RUFY1: variants seen among roughly 807,000 people sequenced by gnomAD.
The protein encoded by RUFY1 is RUN and FYVE domain-containing protein 1.
In RUFY1, 54 loss-of-function variants were observed where a neutral mutation model predicts 94.6. The ratio of observed to expected loss-of-function variants is 0.57; its 90% CI spans 0.46 to 0.72. The LOEUF (loss-of-function observed/expected upper bound fraction) is 0.72, where lower values mean the gene tolerates loss of function less well. RUFY1 is among the 30% of genes least tolerant of loss of function. The pLI is 0.00. For synonymous variants in RUFY1, 396 were observed against 347.3 expected (o/e 1.14, Z -1.56); for missense variants, 883 against 883.9 (o/e 1.00, Z 0.01).
intron 5 of RUFY1, among the ~76,000 whole-genome samples, chr5:179,571,436 C>T (rs1205984057): frequency 6.6e-6 from 1 of 151,400 alleles, no homozygotes; most frequent in African/African-American, 2.4e-5. Context: ...GAGATCAAGG[C>T]TGCAGTGAGC....
At chr5:179,583,551 G>A (rs1764343044) in intron 7 of RUFY1, among the ~76,000 whole-genome samples, 1 of 146,184 alleles carries the variant, frequency 6.8e-6, no homozygotes, top group Admixed American at 6.9e-5. Context: ...CGAGTAGCTG[G>A]AACTACAGGC....
Position 179,562,586 on chromosome 5 carries a change from G to A in RUFY1, c.524G>A (p.Gly175Asp). ...ATTGGCCAAAATAAATCATTCTTTGGTCCTTTGGAGCTGGTGGAGAAACTT... is the reference window on the plus strand; with the variant it reads ...ATTGGCCAAAATAAATCATTCTTTGATCCTTTGGAGCTGGTGGAGAAACTT... ...SFIGQNKSFFGPLELVEKLCP... is the reference protein window; with the variant it reads ...SFIGQNKSFFDPLELVEKLCP... The change falls in exon 3 of 18, where the codon GGT becomes GAT. Residue 175 changes from glycine to aspartate, a missense_variant. Gly to Asp is a moderately conservative substitution (Grantham distance 94). Coordinates refer to ENST00000319449, the MANE Select transcript of RUFY1 (RefSeq NM_025158.5). The A allele has an allele frequency of 6.2e-7, 1 of 1,611,104 alleles. No homozygotes were observed. The highest frequency in any genetic ancestry group is 8.5e-7 in the Non-Finnish European group (1 of 1,177,388).
At chr5:179,567,615 T>G in intron 4 of RUFY1, 53 bp downstream of exon 4, 1 of 1,327,822 alleles carries the variant, frequency 7.5e-7, no homozygotes, top group Non-Finnish European at 1.1e-6. Context: ...AATTAGAACA[T>G]AGGCTGGGTG....
chr5:179,559,842 G>A, intron 1 of RUFY1, 183 bp from the exon 2 acceptor site: 1 of 1,377,124 alleles, frequency 7.3e-7, no homozygotes, highest in Non-Finnish European at 9.4e-7. Context: ...CCAGGTAGGG[G>A]GCTGTGGCCT....
intron 17 of RUFY1, chr5:179,608,221 G>A (rs930738772): frequency 1.9e-5 from 17 of 905,214 alleles, no homozygotes; most frequent in Non-Finnish European, 2.1e-5. Flanking sequence ...GGGAGCTAAA[G>A]GAAACACTGC....
At chr5:179,607,377 G>A (rs572036384) in intron 16 of RUFY1, 51 of 582,180 alleles carry the variant, frequency 8.8e-5, no homozygotes, top group African/African-American at 4.5e-4. Context: ...GGTGGAGCAC[G>A]GAGCTAGGAT....
chr5:179,565,174 T>C (rs180865816), intron 3 of RUFY1, among the ~76,000 whole-genome samples: 1,662 of 133,532 alleles, frequency 0.012, 51 homozygotes, highest in African/African-American at 0.045. Context: ...CTTTTTTTTT[T>C]TTTTTTTTTT....
chr5:179,585,912 G>A, intron 8 of RUFY1, 47 bp downstream of exon 8: 32 of 1,443,558 alleles, frequency 2.2e-5, no homozygotes, highest in Non-Finnish European at 3.1e-5. Flanking sequence ...AATGACCCAA[G>A]GTTAAGAGAA....
chr5:179,595,520 G>A (rs1056768927), intron 12 of RUFY1, among the ~76,000 whole-genome samples: 5 of 151,698 alleles, frequency 3.3e-5, no homozygotes, highest in South Asian at 2.1e-4. Flanking sequence ...GGGCAGCTAC[G>A]GTTTCTTTTT....
chr5:179,604,150 C>T (rs976039501), intron 15 of RUFY1, among the ~76,000 whole-genome samples: 35 of 152,298 alleles, frequency 2.3e-4, no homozygotes, highest in African/African-American at 8.4e-4. Context: ...GCTGCCTGGC[C>T]ACCATTCCCT....
chr5:179,596,712 G>A, intron 13 of RUFY1, 31 bp downstream of exon 13: 2 of 1,545,576 alleles, frequency 1.3e-6, no homozygotes, highest in Admixed American at 2.0e-5. Flanking sequence ...CTGGGCTGGG[G>A]TGTGGCTCAG....
At chr5:179,598,042 T>C (rs988451817) in intron 13 of RUFY1, among the ~76,000 whole-genome samples, 3 of 151,952 alleles carry the variant, frequency 2.0e-5, no homozygotes, top group African/African-American at 7.3e-5. Flanking sequence ...TACAAAAAAT[T>C]AGCTGGGCGT....
At chr5:179,570,593 A>G (rs1763152985) in intron 5 of RUFY1, among the ~76,000 whole-genome samples, 2 of 152,176 alleles carry the variant, frequency 1.3e-5, no homozygotes, top group South Asian at 4.1e-4. Flanking sequence ...ACCCTAACCC[A>G]TTCCTCACTT....
At chr5:179,578,214 T>G (rs1481040692) in intron 6 of RUFY1, among the ~76,000 whole-genome samples, 3 of 152,106 alleles carry the variant, frequency 2.0e-5, no homozygotes, top group Non-Finnish European at 4.4e-5. Context: ...TGTTTGTTTG[T>G]TTTGTTTTGT....
At chr5:179,583,342 G>A (rs1022408171) in intron 7 of RUFY1, among the ~76,000 whole-genome samples, 15 of 151,322 alleles carry the variant, frequency 9.9e-5, no homozygotes, top group Admixed American at 6.6e-4. Flanking sequence ...GAGGCAATAC[G>A]TTGCTAGCTT....
intron 8 of RUFY1, among the ~76,000 whole-genome samples, chr5:179,589,078 TAC>T (rs1764834122): frequency 6.6e-6 from 1 of 152,158 alleles, no homozygotes; most frequent in African/African-American, 2.4e-5. Context: ...TTTTTTTTAA[TAC>T]AGGTGAGAGC....
intron 2 of RUFY1, 102 bp downstream of exon 2, chr5:179,560,300 G>T: frequency 7.1e-7 from 1 of 1,413,262 alleles, no homozygotes; most frequent in Admixed American, 2.2e-5. Flanking sequence ...TGAAATGCCA[G>T]CAGTGTACAG....
At chr5:179,585,976 G>C in intron 8 of RUFY1, 111 bp downstream of exon 8, 1 of 824,988 alleles carries the variant, frequency 1.2e-6, no homozygotes, top group Non-Finnish European at 2.0e-6. Flanking sequence ...AAGGGGACTT[G>C]CTAGCCTCCA....
At chr5:179,577,158 A>AAT in intron 6 of RUFY1, 22 bp downstream of exon 6, 1 of 392,410 alleles carries the variant, frequency 2.5e-6, no homozygotes, top group Non-Finnish European at 4.1e-6. Flanking sequence ...GTTGTATGTC[A>AAT]CTTTTTTTTT....
Sources: allele counts gnomAD v4.1 joint callset (sites outside exome capture counted in the v4.1 genomes callset), GRCh38; gene constraint gnomAD v4.1.1; transcripts MANE v1.5; gene names NCBI Gene and HGNC (gene_info 2026-07-23, HGNC 2026-07-21).